The following TMEM132D variants were observed in gnomAD, a reference collection of about 807,000 sequenced individuals.
TMEM132D encodes mature OL transmembrane protein.
In TMEM132D, 21 loss-of-function variants were observed where a neutral mutation model predicts 62.3. The ratio of observed to expected loss-of-function variants is 0.34; its 90% CI spans 0.24 to 0.49. The LOEUF (loss-of-function observed/expected upper bound fraction) is 0.49, where lower values mean the gene tolerates loss of function less well. TMEM132D is among the 20% of genes least tolerant of loss of function. The pLI is 0.99. For synonymous variants in TMEM132D, 621 were observed against 575.6 expected, an observed-to-expected ratio of 1.08 and a Z score of -1.13; for missense variants, 1,346 against 1,402.8, an observed-to-expected ratio of 0.96 and a Z score of 0.65.
chr12:129,897,581 A>G (rs1875186894), intron 1 of TMEM132D, among the ~76,000 whole-genome samples: 1 of 152,176 alleles, frequency 6.6e-6, no homozygotes, highest in Non-Finnish European at 1.5e-5. Context: ...TAAAAAAAAC[A>G]AAAAAGAAGC....
chr12:129,243,133 T>TACACACAC, intron 4 of TMEM132D, among the ~76,000 whole-genome samples: 1 of 152,336 alleles, frequency 6.6e-6, no homozygotes, highest in South Asian at 2.1e-4. Context: ...CACACACGTG[T>TACACACAC]GCACACACAT....
intron 1 of TMEM132D, among the ~76,000 whole-genome samples, chr12:129,798,103 G>A (rs1290873704): frequency 6.6e-6 from 1 of 152,122 alleles, no homozygotes; most frequent in African/African-American, 2.4e-5. Context: ...TGATGTACTG[G>A]CTTCCCATTC....
In TMEM132D at chr12:129,116,955, G is replaced by T. The variant is rs983567745; in HGVS notation, c.1444-32253C>A. 3.7e-5 allele frequency among the ~76,000 whole-genome samples: 5 copies of T among 133,392 alleles called. No homozygotes were observed. The East Asian group carries it at 8.5e-4, about 23-fold the overall frequency. 87.5% of individuals were successfully genotyped at this position (133,392 alleles called of 152,430 possible). A position where few individuals can be genotyped will look rare whatever the true frequency, so the allele number is the denominator to read the frequency against. ...AAAAAAAAAAAAAAAAAATCTGTAC[G>T]TGAATGTTTAGAGCAGCTTCATTCA... is the stretch of plus-strand genomic sequence containing the variant. On this transcript the variant is annotated intron_variant, in intron 5 of 8. Transcript: ENST00000422113.
In TMEM132D at chr12:129,074,829, C is replaced by G. The variant is rs2135604837; in HGVS notation, c.2346G>C (p.Arg782=). The G allele has an allele frequency of 1.9e-6, 3 of 1,614,066 alleles. No homozygotes were observed. The highest frequency in any genetic ancestry group is 2.5e-6 in the Non-Finnish European group (3 of 1,180,038). ...VISESCQKSK[R]KSVLAVGTAN... ...CCGTTCCAACAGCTAACACACTCTT[C>G]CGCTTGGATTTCTGGCAGGATTCAC... The change falls in exon 9 of 9, where the codon CGG becomes CGC. Residue 782 remains arginine (R), a synonymous_variant. Transcript: ENST00000422113.
At chr12:129,570,485 G>A (rs1336853524) in intron 2 of TMEM132D, among the ~76,000 whole-genome samples, 5 of 152,186 alleles carry the variant, frequency 3.3e-5, no homozygotes, top group African/African-American at 9.7e-5. Flanking sequence ...CCACAGGTTC[G>A]TGACCAAGAA....
intron 5 of TMEM132D, among the ~76,000 whole-genome samples, chr12:129,106,561 G>T (rs1277017922): frequency 6.6e-6 from 1 of 152,178 alleles, no homozygotes; most frequent in Non-Finnish European, 1.5e-5. Context: ...AATGGAAACT[G>T]CCATTAGCAG....
chr12:129,700,807 A>G (rs1192854860), intron 1 of TMEM132D, 109 bp from the exon 2 acceptor site: 3 of 1,242,986 alleles, frequency 2.4e-6, no homozygotes, highest in Non-Finnish European at 3.3e-6. Flanking sequence ...TCTTCGCGCC[A>G]ATTATGCAAT....
intron 1 of TMEM132D, among the ~76,000 whole-genome samples, chr12:129,789,750 T>C (rs766286517): frequency 6.6e-6 from 1 of 152,122 alleles, no homozygotes; most frequent in Non-Finnish European, 1.5e-5. Context: ...TTGGGACACA[T>C]TGAGAAGAAA....
chr12:129,361,311 T>C (rs114403257), intron 3 of TMEM132D, among the ~76,000 whole-genome samples: 2 of 152,318 alleles, frequency 1.3e-5, no homozygotes, highest in African/African-American at 2.4e-5. Flanking sequence ...CTCATGTTGA[T>C]AGAATCACCC....
intron 3 of TMEM132D, among the ~76,000 whole-genome samples, chr12:129,437,931 T>A (rs1465852435): frequency 7.8e-6 from 1 of 128,024 alleles, no homozygotes; most frequent in Non-Finnish European, 1.6e-5. Flanking sequence ...GATGTTCCCC[T>A]CCATGTGTCC....
At chr12:129,853,607 A>C (rs1434418092) in intron 1 of TMEM132D, 2 of 152,214 alleles carry the variant, frequency 1.3e-5, no homozygotes, top group Non-Finnish European at 2.9e-5. Context: ...GAAAGCATGA[A>C]TCCCATGACA....
intron 3 of TMEM132D, among the ~76,000 whole-genome samples, chr12:129,396,508 G>A (rs1871438040): frequency 6.6e-6 from 1 of 152,184 alleles, no homozygotes; most frequent in African/African-American, 2.4e-5. Flanking sequence ...TTTCCTACTG[G>A]CTGGAAGGAA....
At chr12:129,565,417 C>T (rs541804865) in intron 2 of TMEM132D, among the ~76,000 whole-genome samples, 1 of 152,352 alleles carries the variant, frequency 6.6e-6, no homozygotes, top group African/African-American at 2.4e-5. Flanking sequence ...CTTATTGCTA[C>T]AAAGAGTCTG....
chr12:129,748,845 G>A (rs1412824497), intron 1 of TMEM132D, among the ~76,000 whole-genome samples: 3 of 152,142 alleles, frequency 2.0e-5, no homozygotes, highest in Non-Finnish European at 4.4e-5. Context: ...ACCACAGAGG[G>A]TTTGAGAAAC....
At chr12:129,253,725 CTCTTT>C (rs759090531) in intron 4 of TMEM132D, among the ~76,000 whole-genome samples, 1 of 152,148 alleles carries the variant, frequency 6.6e-6, no homozygotes, top group African/African-American at 2.4e-5. Flanking sequence ...GGCTGCCTTT[CTCTTT>C]TCTTTTCTTT....
At chr12:129,477,361 C>T (rs1874294871) in intron 3 of TMEM132D, among the ~76,000 whole-genome samples, 1 of 152,214 alleles carries the variant, frequency 6.6e-6, no homozygotes, top group Admixed American at 6.5e-5. Context: ...CCGATCTCAT[C>T]TAATGCTCTA....
At chr12:129,694,730 C>T (rs190855457) in intron 2 of TMEM132D, among the ~76,000 whole-genome samples, 29 of 152,286 alleles carry the variant, frequency 1.9e-4, no homozygotes, top group Admixed American at 2.0e-4. Context: ...TGTTCTGGGC[C>T]GGGCACAGTG....
chr12:129,287,560 A>G (rs777319777), intron 4 of TMEM132D, among the ~76,000 whole-genome samples: 1 of 152,232 alleles, frequency 6.6e-6, no homozygotes, highest in African/African-American at 2.4e-5. Flanking sequence ...CCAACCTAGT[A>G]TCTCCACATT....
chr12:129,574,456 A>G (rs1001806538), intron 2 of TMEM132D, among the ~76,000 whole-genome samples: 1 of 151,984 alleles, frequency 6.6e-6, no homozygotes, highest in African/African-American at 2.4e-5. Context: ...AAGGCATCCT[A>G]TGCACTAGAA....
Sources: gnomAD v4.1 joint callset for allele counts (sites outside exome capture counted in the v4.1 genomes callset) on GRCh38, gnomAD v4.1.1 for gene constraint, MANE v1.5 for transcripts, NCBI Gene and HGNC (gene_info 2026-07-23, HGNC 2026-07-21) for gene names.